Variants in PCDHGB1 observed in about 807,000 individuals in gnomAD.
PCDHGB1 encodes protocadherin gamma subfamily B, 1, also known as protocadherin gamma-B1.
A neutral mutation model predicts 56.6 loss-of-function variants in PCDHGB1; 34 were observed. The ratio of observed to expected loss-of-function variants is 0.60; its 90% CI spans 0.46 to 0.80. PCDHGB1 has a LOEUF of 0.80. PCDHGB1 is among the 30% of genes least tolerant of loss of function. The pLI, the probability that PCDHGB1 is intolerant of heterozygous loss-of-function variation, is 0.00. For missense variants in PCDHGB1, 1,278 were observed against 1,204.6 expected (o/e 1.06, Z -0.90); for synonymous variants, 561 against 505.9 (o/e 1.11, Z -1.46).
intron 1 of PCDHGB1, chr5:141,394,749 G>C (rs1270810324): frequency 1.2e-6 from 2 of 1,613,424 alleles, no homozygotes; most frequent in Admixed American, 1.7e-5. Context: ...CGTGGTGGCC[G>C]TCCAGGACCA....
At chr5:141,371,875 G>T in intron 1 of PCDHGB1, 1 of 1,613,506 alleles carries the variant, frequency 6.2e-7, no homozygotes, top group Non-Finnish European at 8.5e-7. Context: ...ATCGTGGCCA[G>T]TGACCTGGAG....
In PCDHGB1 at chr5:141,352,554, A is replaced by G. The variant is rs183312809; in HGVS notation, c.2294A>G (p.Asn765Ser). 3 of 1,613,804 alleles carry G rather than the reference A, an allele frequency of 1.9e-6. No homozygotes were observed. The highest frequency in any genetic ancestry group is 2.2e-5 in the South Asian group (2 of 91,084). Residue 765 changes from asparagine (N) to serine (S), a missense_variant, in exon 1 of 4, where the codon AAC (asparagine) becomes AGC (serine). Physicochemically the swap from Asn to Ser is conservative, Grantham distance 46 (BLOSUM62 1). Transcript: ENST00000523390. ...HSAKTEFNSL[N>S]LTPEMAPPQD... ...GCAAAGACAGAGTTTAATTCTCTCAACCTGACACCGGAAATGGCTCCCCCT... is the reference window on the plus strand; with the variant it reads ...GCAAAGACAGAGTTTAATTCTCTCAGCCTGACACCGGAAATGGCTCCCCCT...
At chr5:141,379,815 T>C (rs1489145506) in intron 1 of PCDHGB1, among the ~76,000 whole-genome samples, 2 of 150,388 alleles carry the variant, frequency 1.3e-5, no homozygotes, top group South Asian at 2.1e-4. Context: ...GAGTTCAGTA[T>C]AGAATTTTGA....
intron 1 of PCDHGB1, chr5:141,408,489 G>A: frequency 6.2e-7 from 1 of 1,614,076 alleles, no homozygotes; most frequent in Non-Finnish European, 8.5e-7. Flanking sequence ...GAGCAAATAT[G>A]CAAAGAGAGA....
chr5:141,449,147 G>T (rs2098630156), intron 1 of PCDHGB1, among the ~76,000 whole-genome samples: 1 of 152,110 alleles, frequency 6.6e-6, no homozygotes, highest in African/African-American at 2.4e-5. Flanking sequence ...AAATTGCTGG[G>T]TCAAAGAGGA....
intron 1 of PCDHGB1, chr5:141,366,161 G>T (rs1242007246): frequency 6.2e-7 from 1 of 1,613,974 alleles, no homozygotes; most frequent in African/African-American, 1.3e-5. Flanking sequence ...CCTGCTTAAG[G>T]CCAGCGAGCC....
intron 1 of PCDHGB1, chr5:141,383,326 A>G: frequency 6.2e-7 from 1 of 1,614,030 alleles, no homozygotes; most frequent in Non-Finnish European, 8.5e-7. Flanking sequence ...TGTAAAAATA[A>G]TGGAGAATAC....
intron 1 of PCDHGB1, chr5:141,395,264 A>T: frequency 1.3e-6 from 2 of 1,549,832 alleles, no homozygotes; most frequent in Non-Finnish European, 1.7e-6. Flanking sequence ...GCTTGCTTTT[A>T]ATTTCCAGAT....
rs1317308437 is a variant in PCDHGB1, at chr5:141,418,492, A to G, written c.2409+65823A>G. The G allele has an allele frequency of 1.9e-6, 3 of 1,613,886 alleles. No homozygotes were observed. The African/African-American group carries it at 4.0e-5, about 22-fold the overall frequency. On this transcript the variant is annotated intron_variant, in intron 1 of 3. Coordinates refer to ENST00000523390, the MANE Select transcript of PCDHGB1 (RefSeq NM_018922.3). ...AAACGCAGAGCGCTCACCACTTGGT[A>G]CTGACCGCCTTAGATGGTGGGGACC... is the stretch of plus-strand genomic sequence containing the variant.
rs1272694679 is a variant in PCDHGB1, at chr5:141,486,884, C to T, written c.2410-7923C>T. 7 of 1,614,106 alleles carry T rather than the reference C, an allele frequency of 4.3e-6. No individual in the cohort carries two copies. The highest frequency in any genetic ancestry group is 1.1e-5 in the South Asian group (1 of 91,082). ...TCCAGCTGTGCTCCGTCCTCGGGCC[C>T]GGCCTGGTTCCTTATGTCCCCAAGC... On this transcript the variant is annotated intron_variant, in intron 1 of 3. Coordinates refer to ENST00000523390, the MANE Select transcript of PCDHGB1 (RefSeq NM_018922.3). The surrounding 1 kb of genome is among the most constrained non-coding windows in gnomAD (Gnocchi z 5.0).
chr5:141,422,556 G>T, intron 1 of PCDHGB1: 1 of 1,613,908 alleles, frequency 6.2e-7, no homozygotes, highest in South Asian at 1.1e-5. Context: ...GGCTGAATGT[G>T]GCAGATGACA....
rs1312195504 is a variant in PCDHGB1 at position 141,429,392 on chromosome 5, A to ATTTTT, written c.2410-65415_2410-65414insTTTTT. On this transcript the variant is annotated intron_variant, in intron 1 of 3. Transcript: ENST00000523390. Reference sequence around the variant, plus strand: ...GAGAAAATGTGTTTTTTTTTTAAAAAAAATTGAGATTAAGGTCTCATTATG... The same window carrying ATTTTT: ...GAGAAAATGTGTTTTTTTTTTAAAAATTTTTAAATTGAGATTAAGGTCTCATTATG... Among the ~76,000 whole-genome samples, 131 of 152,104 alleles carry ATTTTT rather than the reference A, an allele frequency of 8.6e-4. 1 individual carries two copies. Among genetic ancestry groups the ATTTTT allele is most frequent in the Non-Finnish European group, 1.5e-3 (100 of 67,974 alleles).
chr5:141,435,855 G>A (rs1164301394), intron 1 of PCDHGB1, among the ~76,000 whole-genome samples: 1 of 152,006 alleles, frequency 6.6e-6, no homozygotes, highest in Non-Finnish European at 1.5e-5. Flanking sequence ...AGATACAATA[G>A]TTAAAACCCA....
intron 2 of PCDHGB1, among the ~76,000 whole-genome samples, chr5:141,504,926 TGGTG>T (rs1312481961): frequency 1.3e-5 from 2 of 151,946 alleles, no homozygotes; most frequent in Non-Finnish European, 2.9e-5. Context: ...GGCTCTCTCA[TGGTG>T]GGTGGGGGAA....
At chr5:141,478,087 C>T in intron 1 of PCDHGB1, 1 of 1,614,134 alleles carries the variant, frequency 6.2e-7, no homozygotes, top group East Asian at 2.2e-5. Flanking sequence ...CTTCGCTCTC[C>T]ACCACTGCTA....
At chr5:141,430,115 A>G (rs930805574) in intron 1 of PCDHGB1, among the ~76,000 whole-genome samples, 1 of 152,194 alleles carries the variant, frequency 6.6e-6, no homozygotes, top group Non-Finnish European at 1.5e-5. Context: ...CATGTCAACA[A>G]CCTGGTAAAG....
chr5:141,495,028 G>C, intron 2 of PCDHGB1, 163 bp downstream of exon 2: 3 of 966,196 alleles, frequency 3.1e-6, no homozygotes, highest in Non-Finnish European at 3.7e-6. Flanking sequence ...CACAGACCCC[G>C]GAAGGAAGAG....
chr5:141,495,721 G>A (rs2099763243), intron 2 of PCDHGB1, among the ~76,000 whole-genome samples: 1 of 152,100 alleles, frequency 6.6e-6, no homozygotes, highest in Non-Finnish European at 1.5e-5. Context: ...TAACTACACG[G>A]GACCCTTAGT....
At chr5:141,475,866 C>T in intron 1 of PCDHGB1, 1 of 504,862 alleles carries the variant, frequency 2.0e-6, no homozygotes, top group South Asian at 2.9e-5. Context: ...GCTCATTCTT[C>T]GTGCAGTTAT....
Sources: allele counts gnomAD v4.1 joint callset (sites outside exome capture counted in the v4.1 genomes callset), GRCh38; gene constraint gnomAD v4.1.1; non-coding constraint Gnocchi (gnomAD v3.1); transcripts MANE v1.5; gene names NCBI Gene and HGNC (gene_info 2026-07-23, HGNC 2026-07-21).